PRDM16: variants seen among roughly 807,000 people sequenced by gnomAD.
PRDM16 encodes the protein histone-lysine N-methyltransferase PRDM16.
Under a neutral mutation model 110.6 loss-of-function variants are expected in PRDM16, and 23 were observed. The ratio of observed to expected loss-of-function variants is 0.21; its 90% CI spans 0.15 to 0.29. PRDM16 has a LOEUF of 0.29. Ranked by LOEUF, PRDM16 falls within the 10% of genes least tolerant of loss-of-function variation. The probability of loss-of-function intolerance (pLI) is 1.00; values close to 1 mark genes in which losing one functional copy is unlikely to be tolerated. For missense variants in PRDM16, 1,615 were observed against 1,794.3 expected, an observed-to-expected ratio of 0.90 and a Z score of 1.81; for synonymous variants, 799 against 781.8, an observed-to-expected ratio of 1.02 and a Z score of -0.37.
intron 1 of PRDM16, among the ~76,000 whole-genome samples, chr1:3,076,318 C>T (rs1368496087): frequency 2.0e-5 from 3 of 152,194 alleles, no homozygotes; most frequent in South Asian, 4.1e-4. Context: ...GATACGTGCT[C>T]CCTGTCCGGC....
At chr1:3,169,493 C>T (rs1644000401) in intron 1 of PRDM16, among the ~76,000 whole-genome samples, 1 of 152,174 alleles carries the variant, frequency 6.6e-6, no homozygotes, top group South Asian at 2.1e-4. Context: ...CTCCCGTGCA[C>T]AGCCTGGGGC....
chr1:3,283,283 C>A (rs975970751), intron 3 of PRDM16, among the ~76,000 whole-genome samples: 1 of 152,326 alleles, frequency 6.6e-6, no homozygotes, highest in African/African-American at 2.4e-5. Context: ...CTGTCCAGGC[C>A]TTGGCCAGGG....
rs1401177801 is a variant in PRDM16, at chr1:3,359,525, G to C, written c.439-25627G>C. On this transcript the variant is annotated intron_variant, in intron 3 of 16. Transcript: ENST00000270722. The surrounding 1 kb of genome is among the most constrained non-coding windows in gnomAD (Gnocchi z 4.3). ...GGAGCAGTGGCTGCAGCCTCCCGAG[G>C]TGAGCCTGTCTGCACCATCTGCATC... Among the ~76,000 whole-genome samples, 2 of 152,240 alleles carry C rather than the reference G, an allele frequency of 1.3e-5. No homozygotes were observed. The highest frequency in any genetic ancestry group is 3.9e-4 in the East Asian group (2 of 5,158).
intron 1 of PRDM16, among the ~76,000 whole-genome samples, chr1:3,117,198 G>A (rs992218817): frequency 8.5e-5 from 13 of 152,132 alleles, no homozygotes; most frequent in Admixed American, 7.9e-4. Context: ...GTCTCACACC[G>A]GCCTCTATGA....
intron 2 of PRDM16, among the ~76,000 whole-genome samples, chr1:3,236,339 C>G (rs945171024): frequency 6.6e-6 from 1 of 152,184 alleles, no homozygotes; most frequent in African/African-American, 2.4e-5. Flanking sequence ...GACCCCCACC[C>G]TAGGGCTTCC....
At chr1:3,287,333 TCCA>T (rs1640873283) in intron 3 of PRDM16, among the ~76,000 whole-genome samples, 2 of 114,744 alleles carry the variant, frequency 1.7e-5, no homozygotes, top group Non-Finnish European at 3.5e-5. Context: ...CACGCGGGCA[TCCA>T]GGATTGCATT....
rs543580310 is a variant in PRDM16 at position 3,130,890 on chromosome 1, G to T, written c.38-55235G>T. Among the ~76,000 whole-genome samples the T allele has an allele frequency of 5.1e-3, 777 of 152,106 alleles. 11 individuals carry two copies. The highest frequency in any genetic ancestry group is 0.017 in the African/African-American group (712 of 41,480). The stretch of plus-strand genomic sequence containing the variant: ...CCACCAGCCCTTGCTCTATGCTCAG[G>T]GCTAGAACGCAGCCGCTTCCTTCTG... On this transcript the variant is annotated intron_variant, in intron 1 of 16. Coordinates refer to ENST00000270722, the MANE Select transcript of PRDM16 (RefSeq NM_022114.4).
chr1:3,415,321 C>T (rs1462583709), intron 10 of PRDM16, among the ~76,000 whole-genome samples: 1 of 152,248 alleles, frequency 6.6e-6, no homozygotes, highest in Non-Finnish European at 1.5e-5. Flanking sequence ...GAGCCTGGCC[C>T]CTTCCGCAGC....
intron 3 of PRDM16, among the ~76,000 whole-genome samples, chr1:3,331,954 T>C (rs1345923039): frequency 2.6e-5 from 4 of 152,242 alleles, no homozygotes; most frequent in Non-Finnish European, 4.4e-5. Context: ...GCCCAGGCAG[T>C]GGCTCTATCA....
chr1:3,253,887 T>G (rs1008142055), intron 3 of PRDM16, among the ~76,000 whole-genome samples: 2 of 152,222 alleles, frequency 1.3e-5, no homozygotes, highest in Non-Finnish European at 2.9e-5. Context: ...CCTGACTTTT[T>G]AATGATTGCC....
intron 3 of PRDM16, among the ~76,000 whole-genome samples, chr1:3,285,896 A>G (rs1226779725): frequency 6.6e-6 from 1 of 152,246 alleles, no homozygotes; most frequent in Admixed American, 6.5e-5. Context: ...GTGGAGCCCA[A>G]TCAAAGATCC....
chr1:3,341,483 T>G (rs1642271028), intron 3 of PRDM16, among the ~76,000 whole-genome samples: 1 of 152,110 alleles, frequency 6.6e-6, no homozygotes, highest in African/African-American at 2.4e-5. Flanking sequence ...TGGAGATCAG[T>G]GTCCGGCCAG....
At chr1:3,373,390 T>C (rs1482385665) in intron 3 of PRDM16, among the ~76,000 whole-genome samples, 1 of 152,136 alleles carries the variant, frequency 6.6e-6, no homozygotes, top group Non-Finnish European at 1.5e-5. Context: ...AAGTAGACAC[T>C]GTGGAGACTC....
At position 3,175,592 on chromosome 1, in the gene PRDM16, G is replaced by A. The variant is rs964060037; in HGVS notation, c.38-10533G>A. ...CTTGGTTCTGAGAAGGAAAAGAGGA[G>A]CCAGAGGATGGGGCCCCAACAAGCC... On this transcript the variant is annotated intron_variant, in intron 1 of 16. Coordinates refer to ENST00000270722, the MANE Select transcript of PRDM16 (RefSeq NM_022114.4). The surrounding 1 kb of genome is among the most constrained non-coding windows in gnomAD (Gnocchi z 4.8). 2.0e-5 allele frequency among the ~76,000 whole-genome samples: 3 copies of A among 152,150 alleles called. No homozygotes were observed. Among genetic ancestry groups the A allele is most frequent in the Non-Finnish European group, 4.4e-5 (3 of 68,032 alleles).
intron 2 of PRDM16, among the ~76,000 whole-genome samples, chr1:3,212,618 A>ATCCTCGCGGCCCCCTCGCTGC: frequency 8.2e-6 from 1 of 122,548 alleles, no homozygotes; most frequent in Middle Eastern, 3.9e-3. Context: ...CCCCTCGCTG[A>ATCCTCGCGGCCCCCTCGCTGC]GGTCCTCCCG....
chr1:3,428,756 A>G (rs1222019793), intron 14 of PRDM16, among the ~76,000 whole-genome samples: 4 of 152,056 alleles, frequency 2.6e-5, no homozygotes, highest in Non-Finnish European at 5.9e-5. Context: ...CATGTCCCTC[A>G]GCATTCCCAG....
chr1:3,306,374 A>G (rs1190351995), intron 3 of PRDM16, among the ~76,000 whole-genome samples: 1 of 152,206 alleles, frequency 6.6e-6, no homozygotes, highest in African/African-American at 2.4e-5. Context: ...AATTTTCCAT[A>G]TAAAAAAGCA....
chr1:3,373,862 A>G (rs1642948885), intron 3 of PRDM16, among the ~76,000 whole-genome samples: 1 of 152,258 alleles, frequency 6.6e-6, no homozygotes, highest in Non-Finnish European at 1.5e-5. Context: ...CCTGCCAGAA[A>G]GCATCCACAG....
rs894275934 is a variant in PRDM16 at position 3,394,334 on chromosome 1, G to A, written c.574-2157G>A. Reference sequence around the variant, plus strand: ...GGCTCGGAGGCGCTCGGAGGCTCTCGGAGGGGGCCAGGCGGAGGATCCAGG... The same window carrying A: ...GGCTCGGAGGCGCTCGGAGGCTCTCAGAGGGGGCCAGGCGGAGGATCCAGG... On this transcript the variant is annotated intron_variant, in intron 4 of 16. Transcript: ENST00000270722. 5.0e-5 allele frequency among the ~76,000 whole-genome samples: 7 copies of A among 140,504 alleles called. No homozygotes were observed. The East Asian group carries it at 8.7e-4, about 17-fold the overall frequency. 92.2% of individuals were successfully genotyped at this position (140,504 alleles called of 152,430 possible).
Sources: allele counts gnomAD v4.1 joint callset (sites outside exome capture counted in the v4.1 genomes callset), GRCh38; gene constraint gnomAD v4.1.1; non-coding constraint Gnocchi (gnomAD v3.1); transcripts MANE v1.5; gene names NCBI Gene and HGNC (gene_info 2026-07-23, HGNC 2026-07-21).